CFAP221: variants seen among roughly 807,000 people sequenced by gnomAD.
The protein encoded by CFAP221 is cilia and flagella associated protein 221, also known as cilia- and flagella-associated protein 221.
A neutral mutation model predicts 113.1 loss-of-function variants in CFAP221; 97 were observed. The ratio of observed to expected loss-of-function variants is 0.86; its 90% CI spans 0.73 to 1.02. The LOEUF (loss-of-function observed/expected upper bound fraction) is 1.02, where lower values mean the gene tolerates loss of function less well. Among genes scored for constraint, CFAP221 ranks in the 50% least tolerant of loss-of-function variants. The probability of loss-of-function intolerance (pLI) is 0.00; values close to 1 mark genes in which losing one functional copy is unlikely to be tolerated. For synonymous variants in CFAP221, 331 were observed against 354.4 expected (o/e 0.93, Z 0.74); for missense variants, 1,025 against 1,013.4 (o/e 1.01, Z -0.16).
In CFAP221 at chr2:119,652,052, G is replaced by C. The variant is rs1433810248; in HGVS notation, c.2397G>C (p.Lys799Asn). 1 of 1,611,688 alleles carries C rather than the reference G, an allele frequency of 6.2e-7. No individual in the cohort carries two copies. Among genetic ancestry groups the C allele is most frequent in the Admixed American group, 1.7e-5 (1 of 59,832 alleles). Reference protein sequence around the residue: ...IKVEFPMLNYKDIRKEKEVKD... With the variant: ...IKVEFPMLNYNDIRKEKEVKD... ...TGGAATTCCCTATGTTGAACTACAA[G>C]GACATCAGGAAGGAGAAGTAAGTGG... Residue 799 changes from lysine to asparagine, a missense_variant, in exon 23 of 24, where the codon AAG becomes AAC. Transcript: ENST00000413369.
intron 6 of CFAP221, chr2:119,580,707 A>G (rs1682793782): frequency 6.6e-6 from 1 of 152,224 alleles, no homozygotes. Context: ...GAACAACTCC[A>G]CAGAGCAGGA....
intron 20 of CFAP221, among the ~76,000 whole-genome samples, chr2:119,639,059 T>C (rs985343241): frequency 2.0e-5 from 3 of 148,366 alleles, no homozygotes; most frequent in Non-Finnish European, 4.5e-5. Context: ...CCCATTCCCC[T>C]CATCTAACCA....
chr2:119,563,501 C>T (rs1681406861), intron 6 of CFAP221, among the ~76,000 whole-genome samples: 2 of 152,088 alleles, frequency 1.3e-5, no homozygotes, highest in Admixed American at 6.5e-5. Flanking sequence ...TGTCCTGAGT[C>T]CCCTATCCCT....
intron 13 of CFAP221, among the ~76,000 whole-genome samples, chr2:119,612,949 C>A (rs1426885773): frequency 6.6e-6 from 1 of 152,186 alleles, no homozygotes; most frequent in Non-Finnish European, 1.5e-5. Flanking sequence ...TAGTTACTTC[C>A]TAGATACAAT....
intron 21 of CFAP221, among the ~76,000 whole-genome samples, chr2:119,642,306 A>C (rs34187712): frequency 0.15 from 22,274 of 152,164 alleles, 2,212 homozygotes; most frequent in South Asian, 0.26. Context: ...TAAGAAGTGT[A>C]ATTCCTTTTT....
At position 119,601,333 on chromosome 2, in the gene CFAP221, C is replaced by T. The variant is rs148423090; in HGVS notation, c.747C>T (p.Tyr249=). 63 of 1,534,886 alleles carry T rather than the reference C, an allele frequency of 4.1e-5. No individual in the cohort carries two copies. Among genetic ancestry groups the T allele is most frequent in the Middle Eastern group, 3.3e-4 (2 of 5,982 alleles). Residue 249 remains tyrosine, a synonymous_variant, in exon 8 of 24, where the codon TAC becomes TAT. Transcript: ENST00000413369. ...LWISQFNSQP[Y]ECVFTGTCYP... is the part of the protein sequence containing the mutation. ...TTTCGCAGTTCAACTCTCAACCATA[C>T]GAATGTGTCTTCACCGGAACATGCT...
intron 13 of CFAP221, 59 bp from the exon 14 acceptor site, chr2:119,615,552 A>T: frequency 3.3e-6 from 4 of 1,205,530 alleles, no homozygotes; most frequent in Non-Finnish European, 4.7e-6. Context: ...TTTTTATTAG[A>T]TGTTTATGAC....
chr2:119,618,432 G>A (rs1685673140), intron 14 of CFAP221, among the ~76,000 whole-genome samples: 1 of 152,172 alleles, frequency 6.6e-6, no homozygotes, highest in East Asian at 1.9e-4. Context: ...ACAGCCCATG[G>A]AGGGTGAGCC....
chr2:119,652,309 A>G (rs1019042379), intron 23 of CFAP221, among the ~76,000 whole-genome samples: 2 of 152,168 alleles, frequency 1.3e-5, no homozygotes, highest in Admixed American at 1.3e-4. Context: ...TTATCAATCA[A>G]TTTCAGGATG....
Position 119,599,767 on chromosome 2 carries a change from G to GTTTA in CFAP221, c.632-1441_632-1438dup, listed in dbSNP as rs1219461518. On this transcript the variant is annotated intron_variant, in intron 7 of 23. Coordinates refer to ENST00000413369, the MANE Select transcript of CFAP221 (RefSeq NM_001271049.2). ...TTGACTTTGTATTTTATGTTCATTT[G>GTTTA]TTTATTTATTTATGTTTTGCTGTCC... 1.3e-5 allele frequency among the ~76,000 whole-genome samples: 2 copies of GTTTA among 152,076 alleles called. 1 individual carries two copies. Among genetic ancestry groups the GTTTA allele is most frequent in the South Asian group, 4.1e-4 (2 of 4,822 alleles).
rs950240168 is a variant in CFAP221 at position 119,625,610 on chromosome 2, A to G, written c.1438A>G (p.Met480Val). The change falls in exon 15 of 24, where the codon ATG (methionine) becomes GTG (valine). Residue 480 changes from methionine (M) to valine (V), a missense_variant. Coordinates refer to ENST00000413369, the MANE Select transcript of CFAP221 (RefSeq NM_001271049.2). ...KVMIQGRLFN[M>V]LSAVREMDKE... ...CATGATTCAGGGACGATTATTCAAT[A>G]TGCTGAGTGCTGTTCGTGAAATGGA... is the stretch of plus-strand genomic sequence containing the variant. 14 of 1,613,520 alleles carry G rather than the reference A, an allele frequency of 8.7e-6. No homozygotes were observed. Among genetic ancestry groups the G allele is most frequent in the African/African-American group, 2.7e-5 (2 of 74,922 alleles).
At chr2:119,611,420 C>A (rs1289391563) in intron 12 of CFAP221, among the ~76,000 whole-genome samples, 311 of 113,248 alleles carry the variant, frequency 2.7e-3, no homozygotes, top group Middle Eastern at 4.8e-3. Context: ...GAGACAACGT[C>A]AAAAAAAAAA....
At chr2:119,646,869 T>C (rs1405032511) in intron 21 of CFAP221, 89 bp from the exon 22 acceptor site, 1 of 1,208,040 alleles carries the variant, frequency 8.3e-7, no homozygotes, top group East Asian at 2.4e-5. Flanking sequence ...TCGCCAGCAG[T>C]AAAATAAAAA....
chr2:119,635,038 A>G (rs1687029807), intron 19 of CFAP221, among the ~76,000 whole-genome samples: 2 of 152,232 alleles, frequency 1.3e-5, no homozygotes, highest in South Asian at 2.1e-4. Context: ...AAACAATCCA[A>G]TTTTAAAATG....
In CFAP221 at chr2:119,608,565, G is replaced by C. The variant is rs368000329; in HGVS notation, c.1197G>C (p.Trp399Cys). ...FKLKKELTEE[W>C]QKACAKYKLD... ...TTAAAAAAGAGCTTACTGAAGAGTG[G>C]CAAAAAGCATGTGCCAAATATAAGG... The change falls in exon 12 of 24, where the codon TGG becomes TGC. Residue 399 changes from tryptophan (W) to cysteine (C), a missense_variant. By Grantham distance (215) the Trp-to-Cys change is radical (BLOSUM62 -2). Coordinates refer to ENST00000413369, the MANE Select transcript of CFAP221 (RefSeq NM_001271049.2). 3 of 1,612,958 alleles carry C rather than the reference G, an allele frequency of 1.9e-6. No homozygotes were observed. The highest frequency in any genetic ancestry group is 2.7e-5 in the African/African-American group (2 of 74,800).
At chr2:119,614,269 G>C (rs966697766) in intron 13 of CFAP221, among the ~76,000 whole-genome samples, 1 of 152,138 alleles carries the variant, frequency 6.6e-6, no homozygotes, top group Non-Finnish European at 1.5e-5. Context: ...TCTGATCCCT[G>C]CAAACTGTTC....
At chr2:119,597,893 T>G (rs961417734) in intron 7 of CFAP221, among the ~76,000 whole-genome samples, 6 of 152,234 alleles carry the variant, frequency 3.9e-5, no homozygotes, top group African/African-American at 1.4e-4. Context: ...ATTTTCCATC[T>G]AACGCACAGA....
chr2:119,591,700 G>A (rs1683611200), intron 7 of CFAP221, among the ~76,000 whole-genome samples: 1 of 152,140 alleles, frequency 6.6e-6, no homozygotes, highest in African/African-American at 2.4e-5. Flanking sequence ...CACCTCTACT[G>A]CCCATACAGA....
At chr2:119,599,048 T>C (rs1029609214) in intron 7 of CFAP221, among the ~76,000 whole-genome samples, 1 of 152,218 alleles carries the variant, frequency 6.6e-6, no homozygotes, top group Non-Finnish European at 1.5e-5. Context: ...TCACAGTTTC[T>C]ATCCAGCTGG....
Sources: gnomAD v4.1 joint callset for allele counts (sites outside exome capture counted in the v4.1 genomes callset) on GRCh38, gnomAD v4.1.1 for gene constraint, MANE v1.5 for transcripts, NCBI Gene and HGNC (gene_info 2026-07-23, HGNC 2026-07-21) for gene names.